LINGO2: variants seen among roughly 807,000 people sequenced by gnomAD.
LINGO2 encodes the protein leucine rich repeat and Ig domain containing 2.
Under a neutral mutation model 30.6 loss-of-function variants are expected in LINGO2, and 14 were observed. The observed-to-expected ratio is 0.46, with a 90% CI of 0.30 to 0.72. The LOEUF is 0.72. Among genes scored for constraint, LINGO2 ranks in the 30% least tolerant of loss-of-function variants. The pLI, the probability that LINGO2 is intolerant of heterozygous loss-of-function variation, is 0.07. For missense variants in LINGO2, 729 were observed against 751.7 expected, an observed-to-expected ratio of 0.97 and a Z score of 0.35; for synonymous variants, 317 against 288.5, an observed-to-expected ratio of 1.10 and a Z score of -1.00.
the LINGO2 span, among the ~76,000 whole-genome samples, chr9:28,989,564 G>C: frequency 6.6e-6 from 1 of 152,098 alleles, no homozygotes; most frequent in South Asian, 2.1e-4. Context: ...ATTTTAGGCA[G>C]TCACTTAACC....
chr9:28,379,092 T>C (rs1821238704), intron 2 of LINGO2, among the ~76,000 whole-genome samples: 1 of 152,196 alleles, frequency 6.6e-6, no homozygotes, highest in Non-Finnish European at 1.5e-5. Context: ...TAATTTCCTT[T>C]TGATATTAAA....
rs28895608 is a variant in LINGO2, at chr9:28,308,721, A to C, written c.-245-13355T>G. Reference sequence around the variant, plus strand: ...AATATCCAGAATCTACAATGAACTCAAACAAATTTACAAGAAAAAAACAAA... The same window carrying C: ...AATATCCAGAATCTACAATGAACTCCAACAAATTTACAAGAAAAAAACAAA... On this transcript the variant is annotated intron_variant, in intron 3 of 5. Transcript: ENST00000379992. Among the ~76,000 whole-genome samples the C allele has an allele frequency of 0.013, 1,958 of 150,808 alleles. 79 individuals are homozygous for C. In the East Asian group the frequency reaches 0.16, roughly 13 times the overall value.
At chr9:28,184,809 C>A (rs1564025406) in intron 4 of LINGO2, among the ~76,000 whole-genome samples, 1 of 152,128 alleles carries the variant, frequency 6.6e-6, no homozygotes, top group Non-Finnish European at 1.5e-5. Context: ...AAAATAACTG[C>A]ACCCCTATAC....
At chr9:28,598,428 A>G (rs1482417948) in intron 1 of LINGO2, among the ~76,000 whole-genome samples, 2 of 140,676 alleles carry the variant, frequency 1.4e-5, no homozygotes, top group Non-Finnish European at 3.1e-5. Context: ...CAAAAAAAAA[A>G]AAAAAACAAA....
chr9:28,250,442 A>G (rs1360101995), intron 4 of LINGO2, among the ~76,000 whole-genome samples: 1 of 152,180 alleles, frequency 6.6e-6, no homozygotes, highest in Admixed American at 6.5e-5. Flanking sequence ...GAGCTTAAGA[A>G]GCAGGCAATA....
At chr9:28,837,449 C>T in the LINGO2 span, among the ~76,000 whole-genome samples, 54 of 151,144 alleles carry the variant, frequency 3.6e-4, no homozygotes, top group African/African-American at 1.3e-3. Context: ...AGTTTGAGAC[C>T]AGCCTGACCA....
chr9:28,366,863 T>C (rs1448299442), intron 3 of LINGO2, among the ~76,000 whole-genome samples: 1 of 152,072 alleles, frequency 6.6e-6, no homozygotes, highest in Non-Finnish European at 1.5e-5. Context: ...GAAAACATAG[T>C]AATAATAATA....
intron 5 of LINGO2, among the ~76,000 whole-genome samples, chr9:27,972,407 G>A (rs184757819): frequency 6.6e-6 from 1 of 152,304 alleles, no homozygotes; most frequent in Admixed American, 6.5e-5. Context: ...TATTTAACAA[G>A]GGAGAGTTTC....
At chr9:28,626,689 G>A (rs118179604) in intron 1 of LINGO2, among the ~76,000 whole-genome samples, 10 of 151,948 alleles carry the variant, frequency 6.6e-5, no homozygotes, top group South Asian at 6.2e-4. Context: ...TCTTTTCAAC[G>A]TTTTTTCTCT....
chr9:28,839,530 C>T, the LINGO2 span, among the ~76,000 whole-genome samples: 2 of 151,974 alleles, frequency 1.3e-5, no homozygotes, highest in African/African-American at 2.4e-5. Flanking sequence ...ATAGGCAGGT[C>T]GTCCCCACAT....
At chr9:28,024,852 G>C (rs925428348) in intron 4 of LINGO2, among the ~76,000 whole-genome samples, 1 of 152,126 alleles carries the variant, frequency 6.6e-6, no homozygotes, top group Non-Finnish European at 1.5e-5. Context: ...CATTTGAGCA[G>C]TATCTCCCCA....
intron 4 of LINGO2, among the ~76,000 whole-genome samples, chr9:28,022,588 C>A: frequency 6.8e-6 from 1 of 147,788 alleles, no homozygotes; most frequent in East Asian, 1.9e-4. Context: ...GGACTTTTTC[C>A]CTTTCAACAG....
chr9:28,312,008 T>C (rs1420910404), intron 3 of LINGO2, among the ~76,000 whole-genome samples: 2 of 152,228 alleles, frequency 1.3e-5, no homozygotes, highest in African/African-American at 2.4e-5. Context: ...TTTATGTTCT[T>C]CTGCCATGGC....
At chr9:28,576,472 A>G (rs1454910350) in intron 1 of LINGO2, among the ~76,000 whole-genome samples, 1 of 152,214 alleles carries the variant, frequency 6.6e-6, no homozygotes, top group Admixed American at 6.5e-5. Flanking sequence ...TGTAATTTTG[A>G]ATAAAGATCA....
chr9:27,981,889 T>G (rs1820896095), intron 5 of LINGO2, among the ~76,000 whole-genome samples: 1 of 151,852 alleles, frequency 6.6e-6, no homozygotes, highest in African/African-American at 2.4e-5. Flanking sequence ...AAGGCTGATT[T>G]TAGACATCCA....
At chr9:28,055,063 A>G (rs926686624) in intron 4 of LINGO2, among the ~76,000 whole-genome samples, 8 of 152,156 alleles carry the variant, frequency 5.3e-5, no homozygotes, top group South Asian at 2.1e-4. Flanking sequence ...CCCAGAGGGA[A>G]GCTAGATGGT....
chr9:28,007,158 CAG>C (rs1158821435), intron 5 of LINGO2, among the ~76,000 whole-genome samples: 2 of 152,216 alleles, frequency 1.3e-5, no homozygotes, highest in Admixed American at 6.5e-5. Flanking sequence ...GAAACAAACT[CAG>C]AGACAGTCAT....
At chr9:28,392,188 C>T (rs376982309) in intron 2 of LINGO2, among the ~76,000 whole-genome samples, 1 of 152,106 alleles carries the variant, frequency 6.6e-6, no homozygotes, top group African/African-American at 2.4e-5. Context: ...GGTGACAGAG[C>T]GAGGCTCCAT....
upstream of LINGO2, among the ~76,000 whole-genome samples, chr9:28,673,548 T>C (rs954745334): frequency 1.3e-5 from 2 of 151,802 alleles, no homozygotes; most frequent in African/African-American, 4.8e-5. Flanking sequence ...GTGCCTGTAA[T>C]TCCAGCTACT....
Sources: gnomAD v4.1 joint callset for allele counts (sites outside exome capture counted in the v4.1 genomes callset) on GRCh38, gnomAD v4.1.1 for gene constraint, MANE v1.5 for transcripts, NCBI Gene and HGNC (gene_info 2026-07-23, HGNC 2026-07-21) for gene names.